The following SLC37A3 variants were observed in gnomAD, a reference collection of about 807,000 sequenced individuals.
SLC37A3 encodes solute carrier family 37 member 3, also known as sugar phosphate exchanger 3.
In SLC37A3, 51 loss-of-function variants were observed where a neutral mutation model predicts 67.1. The ratio of observed to expected loss-of-function variants is 0.76; its 90% CI spans 0.61 to 0.96. The LOEUF (loss-of-function observed/expected upper bound fraction) is 0.96. SLC37A3 is among the 40% of genes least tolerant of loss of function. The probability of loss-of-function intolerance (pLI) is 0.00; values close to 1 mark genes in which losing one functional copy is unlikely to be tolerated. For synonymous variants in SLC37A3, 214 were observed against 231.4 expected, an observed-to-expected ratio of 0.92 and a Z score of 0.68; for missense variants, 508 against 603.0, an observed-to-expected ratio of 0.84 and a Z score of 1.65.
chr7:140,386,995 T>C (rs1798479462), intron 1 of SLC37A3: 2 of 152,190 alleles, frequency 1.3e-5, no homozygotes, highest in Admixed American at 6.5e-5. Flanking sequence ...AATTGACAAA[T>C]ACAATTATAT....
In SLC37A3 at chr7:140,350,029, GC is replaced by G. The variant is rs1182813513; in HGVS notation, c.882+1243del. Among the ~76,000 whole-genome samples, 15 of 152,278 alleles carry G rather than the reference GC, an allele frequency of 9.9e-5. No individual in the cohort carries two copies. In the East Asian group the frequency reaches 2.7e-3, roughly 27 times the overall value. ...TTTGTTGGAAATGTTAGTTCTCTCA[GC>G]TTGGAGGCACTGACAGAAGGGGATT... On this transcript the variant is annotated intron_variant, in intron 9 of 14. Coordinates refer to ENST00000326232, the MANE Select transcript of SLC37A3 (RefSeq NM_207113.3).
chr7:140,346,520 T>G (rs777612714), intron 10 of SLC37A3, among the ~76,000 whole-genome samples: 12 of 152,232 alleles, frequency 7.9e-5, no homozygotes, highest in Non-Finnish European at 1.8e-4. Flanking sequence ...AAGGAAAAAC[T>G]GTCAAAGCCA....
intron 9 of SLC37A3, 22 bp downstream of exon 9, chr7:140,351,251 G>GT: frequency 1.2e-6 from 2 of 1,603,162 alleles, no homozygotes; most frequent in Non-Finnish European, 1.7e-6. Context: ...CCTGGCTGTG[G>GT]TAAGATGTAA....
At chr7:140,373,047 G>A (rs1399444280) in intron 3 of SLC37A3, among the ~76,000 whole-genome samples, 1 of 152,148 alleles carries the variant, frequency 6.6e-6, no homozygotes, top group African/African-American at 2.4e-5. Context: ...CGCCTATCGG[G>A]TTCAAGCGAT....
intron 1 of SLC37A3, among the ~76,000 whole-genome samples, chr7:140,385,782 C>G (rs1798424583): frequency 6.6e-6 from 1 of 151,952 alleles, no homozygotes; most frequent in South Asian, 2.1e-4. Context: ...TTTCTTCTTT[C>G]TTTTATTTAT....
At chr7:140,366,640 C>T (rs938726351) in intron 4 of SLC37A3, among the ~76,000 whole-genome samples, 3 of 152,124 alleles carry the variant, frequency 2.0e-5, no homozygotes, top group African/African-American at 7.2e-5. Flanking sequence ...ACTACACTGC[C>T]TCTTAAACTG....
At chr7:140,346,105 C>T in intron 10 of SLC37A3, 135 bp from the exon 11 acceptor site, 1 of 652,858 alleles carries the variant, frequency 1.5e-6, no homozygotes, top group South Asian at 1.7e-5. Context: ...CTGGGCCGGG[C>T]TCGGTGGCTC....
intron 13 of SLC37A3, among the ~76,000 whole-genome samples, chr7:140,342,479 C>T (rs138247909): frequency 6.6e-6 from 1 of 152,268 alleles, no homozygotes; most frequent in East Asian, 1.9e-4. Context: ...CCCTGAGACT[C>T]GGCCAACATT....
At chr7:140,350,341 T>C (rs1796742125) in intron 9 of SLC37A3, among the ~76,000 whole-genome samples, 1 of 152,018 alleles carries the variant, frequency 6.6e-6, no homozygotes, top group Non-Finnish European at 1.5e-5. Context: ...GCCCGAAACA[T>C]CAAGACAGAA....
chr7:140,387,947 T>C (rs984145841), intron 1 of SLC37A3, among the ~76,000 whole-genome samples: 8 of 137,634 alleles, frequency 5.8e-5, no homozygotes, highest in African/African-American at 2.2e-4. Context: ...TGAGCCGTGA[T>C]TGTGCCACTG....
chr7:140,360,795 T>C (rs1259282455), intron 5 of SLC37A3, among the ~76,000 whole-genome samples: 2 of 150,284 alleles, frequency 1.3e-5, no homozygotes, highest in Non-Finnish European at 3.0e-5. Context: ...TTGTTTCAAA[T>C]GCCTCACATA....
Position 140,369,685 on chromosome 7 carries a change from A to G in SLC37A3, c.199-3T>C, listed in dbSNP as rs576523782. 4.3e-6 allele frequency: 7 copies of G among 1,612,734 alleles called. No individual in the cohort carries two copies. The East Asian group carries it at 1.6e-4, about 36-fold the overall frequency. On this transcript the variant is annotated splice_region_variant and splice_polypyrimidine_tract_variant and intron_variant, in intron 3 of 14. Coordinates refer to ENST00000326232, the MANE Select transcript of SLC37A3 (RefSeq NM_207113.3). Reference sequence around the variant, plus strand: ...AACAAATGGTTGCTGCTCCAGATCTACAGTAAGACAGCAGGAACAGGTCAG... The same window carrying G: ...AACAAATGGTTGCTGCTCCAGATCTGCAGTAAGACAGCAGGAACAGGTCAG...
intron 1 of SLC37A3, among the ~76,000 whole-genome samples, chr7:140,387,376 G>A (rs1419788000): frequency 6.6e-6 from 1 of 151,636 alleles, no homozygotes; most frequent in South Asian, 2.1e-4. Flanking sequence ...CCCTTTGGGA[G>A]GCCAAGGCAG....
At chr7:140,396,882 GT>G (rs199685905) in intron 1 of SLC37A3, among the ~76,000 whole-genome samples, 46 of 100,846 alleles carry the variant, frequency 4.6e-4, no homozygotes, top group South Asian at 1.1e-3. Context: ...CTCAATTTCT[GT>G]TTTTTTTTTT....
At position 140,355,704 on chromosome 7, in the gene SLC37A3, C is replaced by G. The variant is rs149128568; in HGVS notation, c.582G>C (p.Ala194=). 4 of 1,613,858 alleles carry G rather than the reference C, an allele frequency of 2.5e-6. No individual in the cohort carries two copies. The highest frequency in any genetic ancestry group is 3.4e-6 in the Non-Finnish European group (4 of 1,179,926). ...ACASVGNILG[A]CLASSVLQYG... is the part of the protein sequence containing the mutation. ...ACTGAAGAACAGAAGAAGCTAGGCA[C>G]GCTCCCAAAATGTTGCCCACCGAAG... The change falls in exon 7 of 15, where the codon GCG becomes GCC. Residue 194 remains alanine, a synonymous_variant. Transcript: ENST00000326232.
chr7:140,348,968 C>T (rs1008511515), intron 9 of SLC37A3, among the ~76,000 whole-genome samples: 1 of 152,214 alleles, frequency 6.6e-6, no homozygotes, highest in Non-Finnish European at 1.5e-5. Context: ...AACTTCTAGA[C>T]AGGCATGTAC....
rs1797283637 is a variant in SLC37A3, at chr7:140,361,520, TCCCC to T, written c.376-2739_376-2736del. The stretch of plus-strand genomic sequence containing the variant: ...CTCCCCCTCCCCCTCCCCCTCCCCC[TCCCC>T]CTCCCCCTCCCTCTCTCCCTCTCCG... On this transcript the variant is annotated intron_variant, in intron 5 of 14. Coordinates refer to ENST00000326232, the MANE Select transcript of SLC37A3 (RefSeq NM_207113.3). Among the ~76,000 whole-genome samples, 67 of 38,756 alleles carry T rather than the reference TCCCC, an allele frequency of 1.7e-3. 5 individuals carry two copies. The highest frequency in any genetic ancestry group is 7.7e-3 in the African/African-American group (65 of 8,448). 25.4% of individuals were successfully genotyped at this position (38,756 alleles called of 152,430 possible).
In SLC37A3 at chr7:140,387,025, C is replaced by A. The variant is rs142371417; in HGVS notation, c.-70-4429G>T. On this transcript the variant is annotated intron_variant, in intron 1 of 14. Transcript: ENST00000326232. ...TTATATATATTTATCATGTACAACA[C>A]ATTTTAAAATATGTGCACATTGTGG... The A allele has an allele frequency of 1.7e-4, 26 of 152,300 alleles. No individual in the cohort carries two copies. In the East Asian group the frequency reaches 4.0e-3, roughly 24 times the overall value. 9.4% of individuals were successfully genotyped at this position (152,300 alleles called of 1,614,324 possible).
Position 140,382,598 on chromosome 7 carries a change from T to C in SLC37A3, c.-70-2A>G. 2 of 1,354,336 alleles carry C rather than the reference T, an allele frequency of 1.5e-6. No individual in the cohort carries two copies. The highest frequency in any genetic ancestry group is 2.1e-6 in the Non-Finnish European group (2 of 952,364). 83.9% of individuals were successfully genotyped at this position (1,354,336 alleles called of 1,614,324 possible). A position where few individuals can be genotyped will look rare whatever the true frequency, so the allele number is the denominator to read the frequency against. ...AGTGATTTACATCATTTCTTCCTTC[T>C]GGAAAGACAAAACACATTATGGACA... On this transcript the variant is annotated splice_acceptor_variant, in intron 1 of 14. Transcript: ENST00000326232. LOFTEE classifies it low-confidence loss of function (5UTR_SPLICE).
Sources: allele counts gnomAD v4.1 joint callset (sites outside exome capture counted in the v4.1 genomes callset), GRCh38; gene constraint gnomAD v4.1.1; transcripts MANE v1.5; gene names NCBI Gene and HGNC (gene_info 2026-07-23, HGNC 2026-07-21).